ARHGAP24: variants seen among roughly 807,000 people sequenced by gnomAD.
ARHGAP24 encodes the protein rho GTPase-activating protein 24.
In ARHGAP24, 50 loss-of-function variants were observed where a neutral mutation model predicts 76.4. The ratio of observed to expected loss-of-function variants is 0.65; its 90% CI spans 0.52 to 0.83. ARHGAP24 has a LOEUF of 0.83. Ranked by LOEUF, ARHGAP24 falls within the 40% of genes least tolerant of loss-of-function variation. ARHGAP24 has a pLI of 0.00. For synonymous variants in ARHGAP24, 345 were observed against 323.3 expected (o/e 1.07, Z -0.72); for missense variants, 930 against 914.2 (o/e 1.02, Z -0.22).
chr4:85,700,830 ACT>A (rs145092604), intron 2 of ARHGAP24, among the ~76,000 whole-genome samples: 1 of 151,992 alleles, frequency 6.6e-6, no homozygotes, highest in African/African-American at 2.4e-5. Context: ...ATGGAAAATC[ACT>A]CTATTTTTGA....
At chr4:85,728,141 T>C (rs1725238834) in intron 3 of ARHGAP24, among the ~76,000 whole-genome samples, 1 of 151,322 alleles carries the variant, frequency 6.6e-6, no homozygotes, top group Non-Finnish European at 1.5e-5. Flanking sequence ...CCATTCTAAT[T>C]ATTTTTTCCA....
At chr4:85,914,706 A>G (rs530604857) in intron 3 of ARHGAP24, among the ~76,000 whole-genome samples, 3 of 152,310 alleles carry the variant, frequency 2.0e-5, no homozygotes, top group Non-Finnish European at 4.4e-5. Flanking sequence ...ATTCAAGTCA[A>G]CCATACCGTT....
At chr4:85,899,978 A>G (rs115580823) in intron 3 of ARHGAP24, among the ~76,000 whole-genome samples, 2,534 of 152,330 alleles carry the variant, frequency 0.017, 73 homozygotes, top group African/African-American at 0.059. Flanking sequence ...GATTACAAAG[A>G]TATTTGTGGA....
At position 85,564,475 on chromosome 4, in the gene ARHGAP24, G is replaced by A. The variant is rs568680112; in HGVS notation, c.-20-6047G>A. ...GTTAATGGGTGCAGCACACCAACAT[G>A]GCACATGTATACATATGTAACAAAC... On this transcript the variant is annotated intron_variant, in intron 1 of 9. Coordinates refer to ENST00000395184, the MANE Select transcript of ARHGAP24 (RefSeq NM_001025616.3). Among the ~76,000 whole-genome samples the A allele has an allele frequency of 4.6e-5, 7 of 151,570 alleles. No homozygotes were observed. In the East Asian group the frequency reaches 1.2e-3, roughly 25 times the overall value.
chr4:85,812,589 A>G (rs560583550), intron 3 of ARHGAP24, among the ~76,000 whole-genome samples: 1 of 152,224 alleles, frequency 6.6e-6, no homozygotes, highest in African/African-American at 2.4e-5. Context: ...CAGATTCTGC[A>G]GATTGTCAAT....
chr4:85,963,471 G>T (rs116414993), intron 5 of ARHGAP24, among the ~76,000 whole-genome samples: 3,269 of 152,072 alleles, frequency 0.021, 139 homozygotes, highest in African/African-American at 0.076. Flanking sequence ...TGCATATGTT[G>T]TACAAAATAG....
intron 1 of ARHGAP24, among the ~76,000 whole-genome samples, chr4:85,562,607 A>G (rs1726642021): frequency 1.3e-5 from 2 of 152,172 alleles, no homozygotes; most frequent in Non-Finnish European, 2.9e-5. Flanking sequence ...CTGTGCTTCC[A>G]TATTCCACTT....
At chr4:85,813,242 A>G (rs1453742301) in intron 3 of ARHGAP24, among the ~76,000 whole-genome samples, 1 of 152,202 alleles carries the variant, frequency 6.6e-6, no homozygotes, top group Non-Finnish European at 1.5e-5. Flanking sequence ...TTCACATAGG[A>G]GGTGTGCACG....
intron 2 of ARHGAP24, among the ~76,000 whole-genome samples, chr4:85,616,627 T>A: frequency 6.6e-6 from 1 of 152,190 alleles, no homozygotes; most frequent in Non-Finnish European, 1.5e-5. Flanking sequence ...GTTTGTATTT[T>A]GCTTCATTTT....
intron 4 of ARHGAP24, among the ~76,000 whole-genome samples, chr4:85,940,888 T>C (rs1360221243): frequency 6.6e-6 from 1 of 152,224 alleles, no homozygotes; most frequent in Non-Finnish European, 1.5e-5. Flanking sequence ...AACAATTCGT[T>C]ATTGCTTGAA....
chr4:85,755,147 A>G (rs1405737789), intron 3 of ARHGAP24, among the ~76,000 whole-genome samples: 1 of 152,070 alleles, frequency 6.6e-6, no homozygotes, highest in African/African-American at 2.4e-5. Flanking sequence ...CTGGGAAGTG[A>G]TTTTTCCATT....
chr4:85,684,304 T>A (rs1723340762), intron 2 of ARHGAP24, among the ~76,000 whole-genome samples: 1 of 152,236 alleles, frequency 6.6e-6, no homozygotes, highest in Non-Finnish European at 1.5e-5. Flanking sequence ...ATGCTCATCC[T>A]AATGAATTAT....
In ARHGAP24 at chr4:85,937,983, G is replaced by A. The variant is rs140943295; in HGVS notation, c.392-4083G>A. Among the ~76,000 whole-genome samples the A allele has an allele frequency of 2.8e-3, 425 of 152,276 alleles. 2 individuals are homozygous for A. The highest frequency in any genetic ancestry group is 9.6e-3 in the African/African-American group (397 of 41,560). On this transcript the variant is annotated intron_variant, in intron 4 of 9. Coordinates refer to ENST00000395184, the MANE Select transcript of ARHGAP24 (RefSeq NM_001025616.3). ...TTTTCAAGAAGAATGAAATATGAAT[G>A]TATCTATAGCATCACAGTCACTCAC...
intron 3 of ARHGAP24, among the ~76,000 whole-genome samples, chr4:85,780,818 G>T (rs1727523228): frequency 1.3e-5 from 2 of 152,236 alleles, no homozygotes; most frequent in Admixed American, 1.3e-4. Flanking sequence ...TCTTAGTTGT[G>T]TTCTGTAGTA....
intron 2 of ARHGAP24, among the ~76,000 whole-genome samples, chr4:85,647,485 TG>T (rs1278850281): frequency 6.6e-6 from 1 of 152,100 alleles, no homozygotes; most frequent in Non-Finnish European, 1.5e-5. Context: ...TGACCTGGCC[TG>T]GAGTCCTGAC....
intron 2 of ARHGAP24, among the ~76,000 whole-genome samples, chr4:85,603,227 T>G (rs983286401): frequency 7.9e-5 from 12 of 152,328 alleles, no homozygotes; most frequent in African/African-American, 2.9e-4. Flanking sequence ...ATAAATTGTC[T>G]TTGGTGAAGA....
intron 3 of ARHGAP24, chr4:85,722,180 T>A: frequency 1.9e-6 from 1 of 536,408 alleles, no homozygotes; most frequent in South Asian, 2.0e-5. Context: ...ACATAACTAC[T>A]GGATTTTCAT....
At chr4:85,633,687 TAA>T (rs1290809753) in intron 2 of ARHGAP24, among the ~76,000 whole-genome samples, 2 of 151,804 alleles carry the variant, frequency 1.3e-5, no homozygotes, top group African/African-American at 4.8e-5. Context: ...AGTTTGAGAT[TAA>T]GACTTTAGCT....
At chr4:85,684,857 T>C (rs1445170837) in intron 2 of ARHGAP24, among the ~76,000 whole-genome samples, 1 of 152,198 alleles carries the variant, frequency 6.6e-6, no homozygotes, top group East Asian at 1.9e-4. Context: ...CTTGAGATTC[T>C]CACAAGCTCT....
Sources: allele counts gnomAD v4.1 joint callset (sites outside exome capture counted in the v4.1 genomes callset), GRCh38; gene constraint gnomAD v4.1.1; transcripts MANE v1.5; gene names NCBI Gene and HGNC (gene_info 2026-07-23, HGNC 2026-07-21).